The following HS3ST3B1 variants were observed in gnomAD, a reference collection of about 807,000 sequenced individuals.
The protein encoded by HS3ST3B1 is heparan sulfate-glucosamine 3-sulfotransferase 3B1.
Under a neutral mutation model 21.3 loss-of-function variants are expected in HS3ST3B1, and 13 were observed. That is an observed-to-expected ratio of 0.61 (90% CI 0.40 to 0.97). The LOEUF is 0.97. Ranked by LOEUF, HS3ST3B1 falls within the 50% of genes least tolerant of loss-of-function variation. The pLI, the probability that HS3ST3B1 is intolerant of heterozygous loss-of-function variation, is 0.00. For missense variants in HS3ST3B1, 459 were observed against 554.8 expected (o/e 0.83, Z 1.73); for synonymous variants, 234 against 254.8 (o/e 0.92, Z 0.78).
chr17:14,331,788 A>G (rs2142345172), intron 1 of HS3ST3B1, among the ~76,000 whole-genome samples: 1 of 152,260 alleles, frequency 6.6e-6, no homozygotes, highest in African/African-American at 2.4e-5. Context: ...TTGATATGCA[A>G]ACATCTCCCC....
At chr17:14,314,020 C>T (rs985175535) in intron 1 of HS3ST3B1, among the ~76,000 whole-genome samples, 7 of 152,076 alleles carry the variant, frequency 4.6e-5, no homozygotes, top group African/African-American at 1.4e-4. Context: ...GCTCTTGTTG[C>T]CCAGGCTGGA....
At chr17:14,309,248 C>T (rs2142325646) in intron 1 of HS3ST3B1, among the ~76,000 whole-genome samples, 1 of 152,366 alleles carries the variant, frequency 6.6e-6, no homozygotes, top group East Asian at 1.9e-4. Flanking sequence ...GGGATCGCCG[C>T]CTCTGGCCCG....
At chr17:14,340,797 G>T (rs1235016904) in intron 1 of HS3ST3B1, among the ~76,000 whole-genome samples, 3 of 152,076 alleles carry the variant, frequency 2.0e-5, no homozygotes, top group East Asian at 1.9e-4. Context: ...TGGCCAGGCT[G>T]GTCTTGAACT....
At chr17:14,310,021 T>A (rs943134746) in intron 1 of HS3ST3B1, among the ~76,000 whole-genome samples, 1 of 152,216 alleles carries the variant, frequency 6.6e-6, no homozygotes, top group Non-Finnish European at 1.5e-5. Flanking sequence ...AAATGGATAA[T>A]CCTCTTTCCA....
At chr17:14,304,485 G>A (rs144915174) in intron 1 of HS3ST3B1, 35 of 152,346 alleles carry the variant, frequency 2.3e-4, no homozygotes, top group African/African-American at 8.2e-4. Context: ...ATGGATGTCT[G>A]GGCAAAGGTA....
chr17:14,341,474 T>A (rs1910381209), intron 1 of HS3ST3B1, among the ~76,000 whole-genome samples: 1 of 152,176 alleles, frequency 6.6e-6, no homozygotes, highest in Non-Finnish European at 1.5e-5. Context: ...GGTACCAGGC[T>A]GGGTACCAAA....
chr17:14,337,201 G>A (rs966852934), intron 1 of HS3ST3B1, among the ~76,000 whole-genome samples: 1 of 152,060 alleles, frequency 6.6e-6, no homozygotes, highest in Non-Finnish European at 1.5e-5. Flanking sequence ...CAGTAGAGGT[G>A]GACTTATCTT....
chr17:14,345,189 C>T lies in HS3ST3B1; in HGVS notation c.716C>T (p.Thr239Met). Residue 239 changes from threonine to methionine, a missense_variant, in exon 2 of 2, where the codon ACG becomes ATG. Around this residue, in one of 3 missense-constraint regions of HS3ST3B1, gnomAD observed 127 missense variants for 209.9 expected, o/e 0.60. Transcript: ENST00000360954. Reference protein sequence around the residue: ...DPVTRAISDYTQTLSKRPDIP... With the variant: ...DPVTRAISDYMQTLSKRPDIP... Reference sequence around the variant, plus strand: ...GTGACCAGGGCCATCTCGGACTACACGCAGACGCTGTCCAAGCGGCCCGAC... The same window carrying T: ...GTGACCAGGGCCATCTCGGACTACATGCAGACGCTGTCCAAGCGGCCCGAC... The T allele has an allele frequency of 6.5e-7, 1 of 1,547,612 alleles. No individual in the cohort carries two copies. Among genetic ancestry groups the T allele is most frequent in the Non-Finnish European group, 8.9e-7 (1 of 1,129,710 alleles).
At chr17:14,330,329 T>A (rs1209395785) in intron 1 of HS3ST3B1, among the ~76,000 whole-genome samples, 1 of 151,946 alleles carries the variant, frequency 6.6e-6, no homozygotes, top group African/African-American at 2.4e-5. Flanking sequence ...GAAAGGGTGG[T>A]TATAATAACT....
At chr17:14,326,581 TA>T (rs1909823318) in intron 1 of HS3ST3B1, among the ~76,000 whole-genome samples, 1 of 152,192 alleles carries the variant, frequency 6.6e-6, no homozygotes, top group African/African-American at 2.4e-5. Context: ...TTCATGTTCC[TA>T]AATAGGAGCA....
chr17:14,331,919 C>T (rs1910026945), intron 1 of HS3ST3B1, among the ~76,000 whole-genome samples: 2 of 152,128 alleles, frequency 1.3e-5, no homozygotes, highest in Admixed American at 1.3e-4. Flanking sequence ...GGCTGATACA[C>T]ATCTTCTGCC....
At chr17:14,332,829 C>CTTTTT (rs71147859) in intron 1 of HS3ST3B1, among the ~76,000 whole-genome samples, 6 of 91,048 alleles carry the variant, frequency 6.6e-5, no homozygotes, top group Non-Finnish European at 8.3e-5. Context: ...GACCTTTTAT[C>CTTTTT]TTTTTTTTTT....
rs537273532 is a variant in HS3ST3B1, at chr17:14,346,959, G to A, written c.*1313G>A. ...GCCAGTGTTGGGCAGCAGGCTCACA[G>A]CCTCAATAGGGAGAAAAGACAAAGG... On this transcript the variant is annotated 3_prime_UTR_variant, in exon 2 of 2. Coordinates refer to ENST00000360954, the MANE Select transcript of HS3ST3B1 (RefSeq NM_006041.3). The A allele has an allele frequency of 6.6e-6, 1 of 152,346 alleles. No homozygotes were observed. The highest frequency in any genetic ancestry group is 1.5e-5 in the Non-Finnish European group (1 of 68,096). The allele number at this position is 152,346 out of a possible 1,614,324, so 9.4% of individuals were successfully genotyped here.
Position 14,301,563 on chromosome 17 carries a change from C to T in HS3ST3B1, c.45C>T (p.Pro15=). 3 of 1,592,148 alleles carry T rather than the reference C, an allele frequency of 1.9e-6. No homozygotes were observed. Among genetic ancestry groups the T allele is most frequent in the Non-Finnish European group, 1.7e-6 (2 of 1,176,072 alleles). ...LSGGRSCLDV[P]GRLLPQPPPP... is the part of the protein sequence containing the mutation. ...GCGGCAGATCTTGCCTCGATGTCCC[C>T]GGCCGGCTCCTACCGCAGCCGCCGC... Residue 15 remains proline (P), a synonymous_variant, in exon 1 of 2, where the codon CCC becomes CCT. Transcript: ENST00000360954.
chr17:14,325,589 A>G (rs907484528), intron 1 of HS3ST3B1, among the ~76,000 whole-genome samples: 8 of 152,356 alleles, frequency 5.3e-5, no homozygotes, highest in South Asian at 2.1e-4. Flanking sequence ...AAAAGCAATA[A>G]AAGGCTGGAG....
chr17:14,320,367 G>T (rs755988480), intron 1 of HS3ST3B1, among the ~76,000 whole-genome samples: 15 of 152,094 alleles, frequency 9.9e-5, no homozygotes, highest in Non-Finnish European at 1.9e-4. Flanking sequence ...TGGGAAAGAA[G>T]ATCATGGCAG....
intron 1 of HS3ST3B1, among the ~76,000 whole-genome samples, chr17:14,336,488 C>T (rs1910189218): frequency 6.6e-6 from 1 of 152,026 alleles, no homozygotes; most frequent in African/African-American, 2.4e-5. Flanking sequence ...TTTAATAGTC[C>T]ACTTCTAGCT....
At chr17:14,314,394 G>A (rs965065287) in intron 1 of HS3ST3B1, among the ~76,000 whole-genome samples, 4 of 152,134 alleles carry the variant, frequency 2.6e-5, no homozygotes, top group Non-Finnish European at 4.4e-5. Flanking sequence ...GGTAACAAGC[G>A]CCAAGATCAA....
intron 1 of HS3ST3B1, among the ~76,000 whole-genome samples, chr17:14,323,860 C>T (rs1180112278): frequency 1.3e-5 from 2 of 152,188 alleles, no homozygotes; most frequent in Non-Finnish European, 2.9e-5. Flanking sequence ...CTTGTTCTCT[C>T]CTTCAGGTGG....
Sources: gnomAD v4.1 joint callset for allele counts (sites outside exome capture counted in the v4.1 genomes callset) on GRCh38, gnomAD v4.1.1 for gene constraint, gnomAD v4.1.1 regional missense constraint, MANE v1.5 for transcripts, NCBI Gene and HGNC (gene_info 2026-07-23, HGNC 2026-07-21) for gene names.